The following PDIA3 variants were observed in gnomAD, a reference collection of about 807,000 sequenced individuals.
PDIA3 encodes protein disulfide-isomerase A3.
Under a neutral mutation model 56.9 loss-of-function variants are expected in PDIA3, and 16 were observed. The observed-to-expected ratio is 0.28, with a 90% CI of 0.19 to 0.43. The LOEUF (loss-of-function observed/expected upper bound fraction) is 0.43. PDIA3 is among the 20% of genes least tolerant of loss of function. The pLI, the probability that PDIA3 is intolerant of heterozygous loss-of-function variation, is 1.00. For synonymous variants in PDIA3, 192 were observed against 216.5 expected (o/e 0.89, Z 0.99); for missense variants, 485 against 621.3 (o/e 0.78, Z 2.33).
Position 43,749,355 on chromosome 15 carries a change from C to T in PDIA3, c.167+2649C>T, listed in dbSNP as rs150437671. Among the ~76,000 whole-genome samples the T allele has an allele frequency of 6.9e-3, 1,051 of 152,318 alleles. 18 individuals carry two copies. The highest frequency in any genetic ancestry group is 0.047 in the East Asian group (242 of 5,184). ...CCACCCTCCTCGGCCTCCCAAAGTG[C>T]TGGGATTACAGGCGTGCGCCACCTA... On this transcript the variant is annotated intron_variant, in intron 1 of 12. Transcript: ENST00000300289.
chr15:43,750,171 ATTTTTTT>A (rs781370240), intron 1 of PDIA3, among the ~76,000 whole-genome samples: 1 of 117,406 alleles, frequency 8.5e-6, no homozygotes, highest in African/African-American at 3.2e-5. Flanking sequence ...TGTCTGGCTA[ATTTTTTT>A]TTTTTTTTTT....
chr15:43,769,445 G>C, intron 9 of PDIA3, 73 bp from the exon 10 acceptor site: 1 of 1,391,104 alleles, frequency 7.2e-7, no homozygotes. Flanking sequence ...GAGAGGGATT[G>C]GGTCTAGGAA....
intron 8 of PDIA3, among the ~76,000 whole-genome samples, chr15:43,767,929 A>G (rs2086858475): frequency 6.6e-6 from 1 of 152,138 alleles, no homozygotes; most frequent in Non-Finnish European, 1.5e-5. Flanking sequence ...AGCCTGGGCA[A>G]CATAGCAAGA....
Position 43,767,675 on chromosome 15 carries a change from C to T in PDIA3, c.1028+765C>T, listed in dbSNP as rs200402082. On this transcript the variant is annotated intron_variant, in intron 8 of 12. Coordinates refer to ENST00000300289, the MANE Select transcript of PDIA3 (RefSeq NM_005313.5). Reference sequence around the variant, plus strand: ...ATTCCAGCTACTGGGGAGGCTGAGGCACCAGAATCACTTGAACCCGGGAGG... The same window carrying T: ...ATTCCAGCTACTGGGGAGGCTGAGGTACCAGAATCACTTGAACCCGGGAGG... Among the ~76,000 whole-genome samples the T allele has an allele frequency of 1.9e-4, 28 of 149,098 alleles. No homozygotes were observed. The East Asian group carries it at 5.2e-3, about 28-fold the overall frequency.
At chr15:43,767,387 A>G (rs912079352) in intron 8 of PDIA3, among the ~76,000 whole-genome samples, 1 of 152,138 alleles carries the variant, frequency 6.6e-6, no homozygotes, top group Admixed American at 6.5e-5. Context: ...ATAAATACAT[A>G]TAGGTACTTT....
intron 1 of PDIA3, among the ~76,000 whole-genome samples, chr15:43,753,328 T>TA (rs1316256192): frequency 6.6e-6 from 1 of 152,204 alleles, no homozygotes; most frequent in African/African-American, 2.4e-5. Flanking sequence ...TCTACTCGCC[T>TA]TGGCCTCCCA....
Position 43,756,755 on chromosome 15 carries a change from C to T in PDIA3, c.353C>T (p.Pro118Leu). Residue 118 changes from proline to leucine, a missense_variant, in exon 3 of 13, where the codon CCT becomes CTT. Physicochemically the swap from Pro to Leu is moderately conservative, Grantham distance 98. Coordinates refer to ENST00000300289, the MANE Select transcript of PDIA3 (RefSeq NM_005313.5). ...GAAGAAGCAGGTGCTTATGATGGAC[C>T]TAGGACTGCTGGTAAGGATCCTGAA... ...DGEEAGAYDG[P>L]RTADGIVSHL... is the part of the protein sequence containing the mutation. The T allele has an allele frequency of 6.4e-7, 1 of 1,561,780 alleles. No individual in the cohort carries two copies. Among genetic ancestry groups the T allele is most frequent in the Non-Finnish European group, 8.8e-7 (1 of 1,134,596 alleles).
chr15:43,757,299 C>G (rs970632514), intron 3 of PDIA3, among the ~76,000 whole-genome samples: 8 of 152,190 alleles, frequency 5.3e-5, no homozygotes, highest in Non-Finnish European at 1.2e-4. Context: ...TGGCTCACGC[C>G]TGTAATCCCA....
Position 43,765,981 on chromosome 15 carries a change from A to G in PDIA3, c.814A>G (p.Asn272Asp). The change falls in exon 7 of 13, where the codon AAC (asparagine) becomes GAC (aspartate). Residue 272 changes from asparagine (N) to aspartate (D), a missense_variant. By Grantham distance (23) the Asn-to-Asp change is conservative. Transcript: ENST00000300289. ...TTACTATGATGTGGACTATGAAAAGAACGCTAAAGGTTCCAACTACTGGAG... is the reference window on the plus strand; with the variant it reads ...TTACTATGATGTGGACTATGAAAAGGACGCTAAAGGTTCCAACTACTGGAG... Reference protein sequence around the residue: ...IAYYDVDYEKNAKGSNYWRNR... With the variant: ...IAYYDVDYEKDAKGSNYWRNR... 6.2e-7 allele frequency: 1 copy of G among 1,613,684 alleles called. No individual in the cohort carries two copies. The highest frequency in any genetic ancestry group is 8.5e-7 in the Non-Finnish European group (1 of 1,179,792).
chr15:43,765,760 T>C, intron 6 of PDIA3, 127 bp from the exon 7 acceptor site: 1 of 1,023,216 alleles, frequency 9.8e-7, no homozygotes, highest in Non-Finnish European at 1.5e-6. Flanking sequence ...AGGTATATAT[T>C]GCTCAGTACT....
At chr15:43,757,515 G>A (rs547226264) in intron 3 of PDIA3, among the ~76,000 whole-genome samples, 19 of 149,036 alleles carry the variant, frequency 1.3e-4, no homozygotes, top group Admixed American at 4.1e-4. Context: ...CCGAGATCGC[G>A]CCACTGCACT....
At chr15:43,771,066 TAA>T in intron 12 of PDIA3, 37 bp from the exon 13 acceptor site, 1 of 1,437,566 alleles carries the variant, frequency 7.0e-7, no homozygotes, top group Non-Finnish European at 9.7e-7. Flanking sequence ...CAGGGTTCTT[TAA>T]AAAGTTACAC....
chr15:43,761,521 C>G lies in PDIA3; in HGVS notation c.462C>G (p.Ala154=), dbSNP rs766974612. Residue 154 remains alanine (A), a synonymous_variant, in exon 4 of 13, where the codon GCC becomes GCG. Transcript: ENST00000300289. ...EFKKFISDKD[A]SIVGFFDDSF... Reference sequence around the variant, plus strand: ...AGAAATTCATTAGTGATAAAGATGCCTCTATAGTAGGTAAGTAGCAAATAT... The same window carrying G: ...AGAAATTCATTAGTGATAAAGATGCGTCTATAGTAGGTAAGTAGCAAATAT... The G allele has an allele frequency of 2.9e-5, 43 of 1,492,700 alleles. No homozygotes were observed. The South Asian group carries it at 4.4e-4, about 15-fold the overall frequency. The allele number at this position is 1,492,700 out of a possible 1,614,324, so 92.5% of individuals were successfully genotyped here. A position where few individuals can be genotyped will look rare whatever the true frequency, so the allele number is the denominator to read the frequency against.
At chr15:43,752,768 C>CTATTA (rs1265189516) in intron 1 of PDIA3, 1 of 470,804 alleles carries the variant, frequency 2.1e-6, no homozygotes, top group East Asian at 6.9e-5. Flanking sequence ...AGTTTCTTCT[C>CTATTA]TATTATATTT....
intron 9 of PDIA3, among the ~76,000 whole-genome samples, chr15:43,768,864 A>G (rs1335239997): frequency 6.6e-6 from 1 of 152,002 alleles, no homozygotes; most frequent in Admixed American, 6.6e-5. Context: ...TCTACTAAAA[A>G]CACAAAAAAA....
At position 43,746,618 on chromosome 15, in the gene PDIA3, G is replaced by C. The variant is rs1462797570; in HGVS notation, c.79G>C (p.Val27Leu). ...AAARLAAASD[V>L]LELTDDNFES... ...GGCCCGCCTCGCCGCTGCCTCCGAC[G>C]TGCTAGAACTCACGGACGACAACTT... Residue 27 changes from valine to leucine, a missense_variant, in exon 1 of 13, where the codon GTG becomes CTG. Transcript: ENST00000300289. 1.9e-6 allele frequency: 3 copies of C among 1,612,696 alleles called. No homozygotes were observed. The highest frequency in any genetic ancestry group is 2.2e-5 in the East Asian group (1 of 44,886).
chr15:43,764,510 C>T (rs1435269700), intron 5 of PDIA3, among the ~76,000 whole-genome samples: 1 of 152,102 alleles, frequency 6.6e-6, no homozygotes, highest in East Asian at 1.9e-4. Context: ...CCTTGTTGCC[C>T]AGGCTGGAGT....
chr15:43,758,958 C>CAG (rs10652654), intron 3 of PDIA3, among the ~76,000 whole-genome samples: 122,677 of 150,966 alleles, frequency 0.81, 50,178 homozygotes, highest in East Asian at 1. Flanking sequence ...GCCTGGGTGA[C>CAG]AGTGAGACCC....
intron 1 of PDIA3, chr15:43,752,687 G>A (rs2086752366): frequency 4.5e-6 from 2 of 445,030 alleles, no homozygotes; most frequent in Admixed American, 2.5e-5. Context: ...CAAGTTTTAG[G>A]TGTACAATAT....
Sources: gnomAD v4.1 joint callset for allele counts (sites outside exome capture counted in the v4.1 genomes callset) on GRCh38, gnomAD v4.1.1 for gene constraint, MANE v1.5 for transcripts, NCBI Gene and HGNC (gene_info 2026-07-23, HGNC 2026-07-21) for gene names.